Variants in OTOF observed in about 807,000 individuals in gnomAD.
OTOF encodes otoferlin, also known as fer-1-like family member 2.
OTOF carries 218 observed loss-of-function variants against 236.8 expected under a neutral mutation model. That is an observed-to-expected ratio of 0.92 (90% CI 0.82 to 1.03). The LOEUF (loss-of-function observed/expected upper bound fraction) is 1.03. OTOF is among the 50% of genes least tolerant of loss of function. OTOF has a pLI of 0.00. For synonymous variants in OTOF, 1,041 were observed against 1,072.5 expected (o/e 0.97, Z 0.57); for missense variants, 2,590 against 2,694.4 (o/e 0.96, Z 0.86).
intron 15 of OTOF, among the ~76,000 whole-genome samples, chr2:26,480,533 G>A (rs913139049): frequency 1.3e-5 from 2 of 152,248 alleles, no homozygotes; most frequent in Admixed American, 6.5e-5. Context: ...GCTGGGAAGA[G>A]GGGCAGAGGG....
chr2:26,489,344 C>G (rs992242462), intron 10 of OTOF, 49 bp from the exon 11 acceptor site: 2 of 1,429,062 alleles, frequency 1.4e-6, no homozygotes, highest in African/African-American at 2.8e-5. Flanking sequence ...AAGGGTGAGG[C>G]TTTCCATGGG....
At chr2:26,491,687 G>A (rs899978200) in intron 9 of OTOF, among the ~76,000 whole-genome samples, 7 of 152,162 alleles carry the variant, frequency 4.6e-5, no homozygotes, top group Non-Finnish European at 1.5e-5. Context: ...TGCACACACA[G>A]GACACACAGG....
chr2:26,501,948 T>C (rs1666124574), intron 7 of OTOF, 140 bp from the exon 8 acceptor site: 3 of 721,974 alleles, frequency 4.2e-6, no homozygotes, highest in Admixed American at 2.0e-5. Flanking sequence ...CCAAGAATAG[T>C]GAGGATTAGT....
chr2:26,509,360 TG>T (rs1343758545), intron 5 of OTOF, among the ~76,000 whole-genome samples: 2 of 152,238 alleles, frequency 1.3e-5, no homozygotes, highest in Non-Finnish European at 2.9e-5. Context: ...TCTGCCTACG[TG>T]TCTTCCCTTA....
chr2:26,512,168 G>A (rs1183508139), intron 5 of OTOF, among the ~76,000 whole-genome samples: 2 of 152,202 alleles, frequency 1.3e-5, no homozygotes, highest in Admixed American at 6.5e-5. Context: ...AGGAGGTGGG[G>A]GTCGTGGAGG....
chr2:26,504,030 G>A (rs937974129), intron 5 of OTOF, among the ~76,000 whole-genome samples, 185 bp from the exon 6 acceptor site: 1 of 152,146 alleles, frequency 6.6e-6, no homozygotes, highest in Non-Finnish European at 1.5e-5. Flanking sequence ...GGGGGAATCA[G>A]GGCAGTGAGA....
intron 24 of OTOF, 66 bp from the exon 25 acceptor site, chr2:26,475,559 C>T: frequency 6.4e-7 from 1 of 1,558,780 alleles, no homozygotes; most frequent in South Asian, 1.1e-5. Flanking sequence ...CAAACAGAAG[C>T]CACCCCTACT....
At chr2:26,542,199 A>G (rs1039162268) in intron 1 of OTOF, among the ~76,000 whole-genome samples, 1 of 152,212 alleles carries the variant, frequency 6.6e-6, no homozygotes, top group African/African-American at 2.4e-5. Context: ...CCTCTTCCAG[A>G]CAGCTTACCC....
rs142111099 is a variant in OTOF, at chr2:26,461,855, G to A, written c.5374C>T (p.Arg1792Cys). ...SLTGEGNFNWRYLFPFDYLAA... is the reference protein window; with the variant it reads ...SLTGEGNFNWCYLFPFDYLAA... ...AGGTAGTCGAAGGGGAACAGGTAGC[G>A]CCAGTTGAAGTTGCCCTCGCCAGTG... The change falls in exon 43 of 47, where the codon CGC becomes TGC. Residue 1792 changes from arginine (R) to cysteine (C), a missense_variant. Physicochemically the swap from Arg to Cys is radical, Grantham distance 180 (BLOSUM62 -3). Transcript: ENST00000272371. The surrounding 1 kb of genome is among the most constrained non-coding windows in gnomAD (Gnocchi z 6.2). 16 of 1,614,062 alleles carry A rather than the reference G, an allele frequency of 9.9e-6. No individual in the cohort carries two copies. The highest frequency in any genetic ancestry group is 1.2e-5 in the Non-Finnish European group (14 of 1,180,036).
chr2:26,554,103 G>A (rs1667528826), intron 1 of OTOF, among the ~76,000 whole-genome samples: 1 of 149,724 alleles, frequency 6.7e-6, no homozygotes, highest in South Asian at 2.1e-4. Context: ...CCCAGGAGCT[G>A]GAGGTTGCAG....
chr2:26,477,116 G>A lies in OTOF; in HGVS notation c.2523+56C>T. The A allele has an allele frequency of 3.2e-6, 5 of 1,580,438 alleles. No homozygotes were observed. The highest frequency in any genetic ancestry group is 1.1e-5 in the South Asian group (1 of 88,756). ...TCCTGATTGAGCCCCCTGATCCTGA[G>A]GGGCCCCAGAGAGCCAGCCCTGGAT... is the stretch of plus-strand genomic sequence containing the variant. On this transcript the variant is annotated intron_variant, in intron 21 of 46. Coordinates refer to ENST00000272371, the MANE Select transcript of OTOF (RefSeq NM_194248.3). This position sits in a 1 kb window ranked among gnomAD's most constrained non-coding sequence, Gnocchi z 4.7.
intron 18 of OTOF, 51 bp downstream of exon 18, chr2:26,479,213 C>A: frequency 6.2e-7 from 1 of 1,603,284 alleles, no homozygotes; most frequent in Non-Finnish European, 8.5e-7. Flanking sequence ...CCTCTGACAG[C>A]GCCGTCTCCC....
intron 5 of OTOF, among the ~76,000 whole-genome samples, chr2:26,512,892 C>T (rs1666424739): frequency 6.6e-6 from 1 of 152,194 alleles, no homozygotes; most frequent in Non-Finnish European, 1.5e-5. Flanking sequence ...TTCTGTGAGG[C>T]ATCCTTGAGC....
At chr2:26,554,126 G>A (rs1016438228) in intron 1 of OTOF, among the ~76,000 whole-genome samples, 12 of 130,900 alleles carry the variant, frequency 9.2e-5, no homozygotes, top group South Asian at 2.4e-4. Context: ...AGCCGAGATC[G>A]CACTGCACTG....
intron 3 of OTOF, among the ~76,000 whole-genome samples, chr2:26,527,270 G>A (rs968963169): frequency 1.4e-4 from 22 of 152,342 alleles, no homozygotes; most frequent in African/African-American, 5.1e-4. Flanking sequence ...AATTCACACA[G>A]CTGCCCTTTG....
At chr2:26,489,380 G>A in intron 10 of OTOF, 85 bp from the exon 11 acceptor site, 1 of 1,079,290 alleles carries the variant, frequency 9.3e-7, no homozygotes, top group Non-Finnish European at 1.4e-6. Flanking sequence ...GAGCTTTGTG[G>A]TGAAGTGGGA....
At position 26,489,252 on chromosome 2, in the gene OTOF, C is replaced by G. The variant is rs775710322; in HGVS notation, c.1004G>C (p.Gly335Ala). ...GGTTCCCACGTCCATTTTGAAGGAGCCCACCAGGGTGCCACTGCGCAGCAG... is the reference window on the plus strand; with the variant it reads ...GGTTCCCACGTCCATTTTGAAGGAGGCCACCAGGGTGCCACTGCGCAGCAG... ...KNLLRSGTLV[G>A]SFKMDVGTVY... is the part of the protein sequence containing the mutation. The change falls in exon 11 of 47, where the codon GGC becomes GCC. Residue 335 changes from glycine to alanine, a missense_variant. Physicochemically the swap from Gly to Ala is moderately conservative, Grantham distance 60. Around this residue, in one of 2 missense-constraint regions of OTOF, gnomAD observed 1,379 missense variants for 1,341.6 expected, o/e 1.03. Coordinates refer to ENST00000272371, the MANE Select transcript of OTOF (RefSeq NM_194248.3). The G allele has an allele frequency of 3.1e-6, 5 of 1,613,020 alleles. No individual in the cohort carries two copies. The South Asian group carries it at 5.5e-5, about 18-fold the overall frequency.
chr2:26,508,266 T>C (rs1666299034), intron 5 of OTOF, among the ~76,000 whole-genome samples: 1 of 152,228 alleles, frequency 6.6e-6, no homozygotes, highest in African/African-American at 2.4e-5. Context: ...TTTCAAAACC[T>C]CGGAGCATGT....
chr2:26,460,640 C>T lies in OTOF; in HGVS notation c.5813+7G>A. 1 of 1,610,552 alleles carries T rather than the reference C, an allele frequency of 6.2e-7. No homozygotes were observed. The highest frequency in any genetic ancestry group is 1.1e-5 in the South Asian group (1 of 90,982). ...GTGGGGAGGGGCTGGGCCGGCAGGGCACTCACTTGGGTTTCTCTAGGGGGT... is the reference window on the plus strand; with the variant it reads ...GTGGGGAGGGGCTGGGCCGGCAGGGTACTCACTTGGGTTTCTCTAGGGGGT... On this transcript the variant is annotated splice_region_variant and intron_variant, in intron 45 of 46. Transcript: ENST00000272371. This position sits in a 1 kb window ranked among gnomAD's most constrained non-coding sequence, Gnocchi z 5.3.
Sources: gnomAD v4.1 joint callset for allele counts (sites outside exome capture counted in the v4.1 genomes callset) on GRCh38, gnomAD v4.1.1 for gene constraint, gnomAD v4.1.1 regional missense constraint, Gnocchi (gnomAD v3.1) non-coding constraint, MANE v1.5 for transcripts, NCBI Gene and HGNC (gene_info 2026-07-23, HGNC 2026-07-21) for gene names.